Variants in CTSZ observed in about 807,000 individuals in gnomAD.
CTSZ encodes the protein carboxypeptidase LB.
A neutral mutation model predicts 32.4 loss-of-function variants in CTSZ; 39 were observed. That is an observed-to-expected ratio of 1.20 (90% confidence interval 0.93 to 1.57). The LOEUF is 1.57. Among genes scored for constraint, CTSZ ranks in the 40% most tolerant of loss-of-function variants. The pLI, the probability that CTSZ is intolerant of heterozygous loss-of-function variation, is 0.00. For missense variants in CTSZ, 397 were observed against 419.6 expected, an observed-to-expected ratio of 0.95 and a Z score of 0.47; for synonymous variants, 168 against 170.1, an observed-to-expected ratio of 0.99 and a Z score of 0.10.
intron 4 of CTSZ, 59 bp downstream of exon 4, chr20:58,997,544 C>T (rs2091867011): frequency 6.8e-7 from 1 of 1,460,326 alleles, no homozygotes; most frequent in Non-Finnish European, 9.1e-7. Flanking sequence ...GACCTTTCCT[C>T]ACCCGCGGGA....
At chr20:58,999,348 G>A (rs1414008180) in intron 3 of CTSZ, among the ~76,000 whole-genome samples, 10 of 152,250 alleles carry the variant, frequency 6.6e-5, no homozygotes, top group Admixed American at 1.3e-4. Flanking sequence ...CACACAATCA[G>A]GTTTCTGATG....
intron 4 of CTSZ, chr20:58,997,322 A>G (rs2091865850): frequency 3.2e-6 from 1 of 307,776 alleles, no homozygotes; most frequent in Non-Finnish European, 6.0e-6. Context: ...TCTCATCCGC[A>G]TTCCGCACAA....
In CTSZ at chr20:58,995,648, C is replaced by T. The variant is rs376946513; in HGVS notation, c.*1G>A. ...TAAACTGCGCTTCTAGTGACATGGC[C>T]TTAAACGATGGGGTCCCCAAATGTA... On this transcript the variant is annotated 3_prime_UTR_variant, in exon 6 of 6. Transcript: ENST00000217131. The T allele has an allele frequency of 1.7e-5, 28 of 1,613,838 alleles. No individual in the cohort carries two copies. The highest frequency in any genetic ancestry group is 2.3e-5 in the Non-Finnish European group (27 of 1,179,856).
In CTSZ at chr20:59,004,364, C is replaced by T. The variant is rs952155503; in HGVS notation, c.307+1958G>A. On this transcript the variant is annotated intron_variant, in intron 2 of 5. Coordinates refer to ENST00000217131, the MANE Select transcript of CTSZ (RefSeq NM_001336.4). This position sits in a 1 kb window ranked among gnomAD's most constrained non-coding sequence, Gnocchi z 5.6. ...GAAGGAGTGGCCAGGGAGGTGGAGG[C>T]GGGCAGTATGGTGCAGGAGAAGGAA... Among the ~76,000 whole-genome samples the T allele has an allele frequency of 3.3e-5, 5 of 151,264 alleles. No individual in the cohort carries two copies. The highest frequency in any genetic ancestry group is 3.3e-4 in the Admixed American group (5 of 15,212).
chr20:59,001,573 C>G lies in CTSZ; in HGVS notation c.379G>C (p.Gly127Arg). Reference protein sequence around the residue: ...LLSVQNVIDCGNAGSCEGGND... With the variant: ...LLSVQNVIDCRNAGSCEGGND... ...CCCCCTTCACAGGAGCCAGCGTTACCGCAGTCGATGACGTTCTGCACGGAC... is the reference window on the plus strand; with the variant it reads ...CCCCCTTCACAGGAGCCAGCGTTACGGCAGTCGATGACGTTCTGCACGGAC... Residue 127 changes from glycine (G) to arginine (R), a missense_variant, in exon 3 of 6, where the codon GGT becomes CGT. Transcript: ENST00000217131. 6.2e-7 allele frequency: 1 copy of G among 1,614,182 alleles called. No homozygotes were observed. Among genetic ancestry groups the G allele is most frequent in the Non-Finnish European group, 8.5e-7 (1 of 1,180,018 alleles).
intron 4 of CTSZ, chr20:58,997,248 C>A (rs1405522882): frequency 1.4e-5 from 3 of 211,372 alleles, no homozygotes; most frequent in African/African-American, 2.3e-5. Flanking sequence ...TCTGGATAAA[C>A]TTCTGTTGTT....
intron 4 of CTSZ, 38 bp downstream of exon 4, chr20:58,997,565 C>T: frequency 6.6e-7 from 1 of 1,506,962 alleles, no homozygotes; most frequent in Non-Finnish European, 8.9e-7. Context: ...CCTTTCCTCA[C>T]CCGCAAACCT....
chr20:58,997,555 C>G (rs746072453), intron 4 of CTSZ, 48 bp downstream of exon 4: 2 of 1,486,756 alleles, frequency 1.3e-6, no homozygotes, highest in Non-Finnish European at 1.8e-6. Flanking sequence ...ACCCGCGGGA[C>G]CTTTCCTCAC....
intron 2 of CTSZ, among the ~76,000 whole-genome samples, chr20:59,005,696 T>C (rs2091906196): frequency 6.6e-6 from 1 of 151,920 alleles, no homozygotes; most frequent in Admixed American, 6.6e-5. Context: ...GATAGCAGAG[T>C]CCCTTCCAAA....
At chr20:59,006,159 C>G in intron 2 of CTSZ, 163 bp downstream of exon 2, 1 of 901,308 alleles carries the variant, frequency 1.1e-6, no homozygotes, top group Non-Finnish European at 1.6e-6. Context: ...TGGGTCACCT[C>G]AGCAGAGGGC....
rs753074949 is a variant in CTSZ at position 58,995,684 on chromosome 20, C to A, written c.877G>T (p.Glu293Ter). 1.9e-6 allele frequency: 3 copies of A among 1,614,052 alleles called. No individual in the cohort carries two copies. The highest frequency in any genetic ancestry group is 2.5e-6 in the Non-Finnish European group (3 of 1,180,034). The change falls in exon 6 of 6, where the codon GAG becomes TAG. Residue 293 changes from glutamate to a stop codon, truncating the protein, a stop_gained. Coordinates refer to ENST00000217131, the MANE Select transcript of CTSZ (RefSeq NM_001336.4). LOFTEE classifies it high-confidence loss of function. ...GGGTCCCCAAATGTACAGTGCTCCT[C>A]GATGGCAAGGTTGTATCTGGCGCCC... The part of the protein sequence containing the change: ...GKGARYNLAI[E>*]EHCTFGDPIV
chr20:58,999,152 T>C (rs1601224573), intron 3 of CTSZ, among the ~76,000 whole-genome samples: 1 of 152,160 alleles, frequency 6.6e-6, no homozygotes, highest in South Asian at 2.1e-4. Context: ...TCTCCTGCCT[T>C]AGCCTCCTGA....
rs1009322492 is a variant in CTSZ, at chr20:59,002,083, G to C, written c.308-439C>G. Among the ~76,000 whole-genome samples the C allele has an allele frequency of 6.6e-6, 1 of 152,252 alleles. No individual in the cohort carries two copies. The highest frequency in any genetic ancestry group is 2.4e-5 in the African/African-American group (1 of 41,476). On this transcript the variant is annotated intron_variant, in intron 2 of 5. Coordinates refer to ENST00000217131, the MANE Select transcript of CTSZ (RefSeq NM_001336.4). The surrounding 1 kb of genome is among the most constrained non-coding windows in gnomAD (Gnocchi z 4.1). Reference sequence around the variant, plus strand: ...GACAGGGGGCCAAGGTGTCAGCTCTGTGAACGAGTATAGCCCAGGGAGCCG... The same window carrying C: ...GACAGGGGGCCAAGGTGTCAGCTCTCTGAACGAGTATAGCCCAGGGAGCCG...
chr20:58,996,855 C>T (rs2091862997), intron 4 of CTSZ, 54 bp from the exon 5 acceptor site: 3 of 1,587,854 alleles, frequency 1.9e-6, no homozygotes, highest in Middle Eastern at 1.7e-4. Flanking sequence ...AATTTACCGT[C>T]ATTAGAAATA....
chr20:58,996,532 T>C lies in CTSZ; in HGVS notation c.801+107A>G, dbSNP rs529751396. 8.2e-6 allele frequency: 10 copies of C among 1,225,068 alleles called. No homozygotes were observed. The South Asian group carries it at 1.0e-4, about 13-fold the overall frequency. The allele number at this position is 1,225,068 out of a possible 1,614,324, so 75.9% of individuals were successfully genotyped here. A position where few individuals can be genotyped will look rare whatever the true frequency, so the allele number is the denominator to read the frequency against. On this transcript the variant is annotated intron_variant, in intron 5 of 5. Transcript: ENST00000217131. ...GAGACAGCTGGAGCAAGGAACCCTC[T>C]GTCAAGGCCCCAGTTTTTAGCTAAA...
intron 5 of CTSZ, 162 bp downstream of exon 5, chr20:58,996,477 C>G (rs1236501130): frequency 2.8e-6 from 2 of 721,280 alleles, no homozygotes; most frequent in Non-Finnish European, 4.8e-6. Flanking sequence ...AGAGAAGGGT[C>G]TGGCCCCAAA....
At chr20:58,997,508 C>T (rs1162849249) in intron 4 of CTSZ, 95 bp downstream of exon 4, 1 of 1,266,438 alleles carries the variant, frequency 7.9e-7, no homozygotes, top group Non-Finnish European at 1.0e-6. Flanking sequence ...CTGGCGCTGT[C>T]ACCGCGGATC....
chr20:59,007,143 T>C lies in CTSZ; in HGVS notation c.-15A>G. The C allele has an allele frequency of 7.5e-7, 1 of 1,340,820 alleles. No individual in the cohort carries two copies. 83.1% of individuals were successfully genotyped at this position (1,340,820 alleles called of 1,614,324 possible). ...CGCCTCGCCATGGCCCCGCGCCGGCTCCTGGGTCCCGCTCCGGATCCCGCT... is the reference window on the plus strand; with the variant it reads ...CGCCTCGCCATGGCCCCGCGCCGGCCCCTGGGTCCCGCTCCGGATCCCGCT... On this transcript the variant is annotated 5_prime_UTR_variant, in exon 1 of 6. Transcript: ENST00000217131.
chr20:59,006,530 G>A (rs1199409152), intron 1 of CTSZ, 45 bp from the exon 2 acceptor site: 8 of 1,568,380 alleles, frequency 5.1e-6, no homozygotes, highest in African/African-American at 4.0e-5. Flanking sequence ...GGGGCTCCCG[G>A]GGGCCGTGGG....
Sources: gnomAD v4.1 joint callset for allele counts (sites outside exome capture counted in the v4.1 genomes callset) on GRCh38, gnomAD v4.1.1 for gene constraint, Gnocchi (gnomAD v3.1) non-coding constraint, MANE v1.5 for transcripts, NCBI Gene and HGNC (gene_info 2026-07-23, HGNC 2026-07-21) for gene names.